The following SUGCT variants were observed in gnomAD, a reference collection of about 807,000 sequenced individuals.
The protein encoded by SUGCT is succinyl-CoA:glutarate CoA-transferase.
SUGCT carries 41 observed loss-of-function variants against 55.0 expected under a neutral mutation model. The observed-to-expected ratio is 0.74, with a 90% confidence interval of 0.58 to 0.97. SUGCT has a LOEUF of 0.97. Among genes scored for constraint, SUGCT ranks in the 50% least tolerant of loss-of-function variants. The pLI, the probability that SUGCT is intolerant of heterozygous loss-of-function variation, is 0.00. For synonymous variants in SUGCT, 187 were observed against 200.4 expected (o/e 0.93, Z 0.56); for missense variants, 568 against 547.8 (o/e 1.04, Z -0.37).
the SUGCT span, among the ~76,000 whole-genome samples, chr7:40,954,445 C>T: frequency 6.6e-6 from 1 of 152,186 alleles, no homozygotes; most frequent in Admixed American, 6.5e-5. Flanking sequence ...GCTCAGTGTG[C>T]TGCACCCACT....
At chr7:40,311,600 A>G (rs1795156924) in intron 8 of SUGCT, among the ~76,000 whole-genome samples, 1 of 151,842 alleles carries the variant, frequency 6.6e-6, no homozygotes, top group African/African-American at 2.4e-5. Context: ...CTCTATGCCA[A>G]CCCCTTTCCT....
chr7:40,403,479 A>AGG (rs1786192898), intron 9 of SUGCT, among the ~76,000 whole-genome samples: 1 of 152,174 alleles, frequency 6.6e-6, no homozygotes, highest in Admixed American at 6.5e-5. Context: ...CTAAAGGGGC[A>AGG]GGGGAGGAAC....
chr7:40,963,283 C>A, the SUGCT span, among the ~76,000 whole-genome samples: 1 of 151,946 alleles, frequency 6.6e-6, no homozygotes. Flanking sequence ...GCTCTTTGGC[C>A]CACTGAACAA....
At chr7:40,246,093 G>A (rs1315645078) in intron 7 of SUGCT, among the ~76,000 whole-genome samples, 1 of 152,034 alleles carries the variant, frequency 6.6e-6, no homozygotes, top group Non-Finnish European at 1.5e-5. Context: ...ACCTTGGATA[G>A]ACACTACTCA....
intron 8 of SUGCT, among the ~76,000 whole-genome samples, chr7:40,306,227 T>G (rs1794846785): frequency 1.3e-5 from 2 of 152,202 alleles, no homozygotes; most frequent in African/African-American, 2.4e-5. Context: ...GTTTTTATTC[T>G]CAATACTTTT....
chr7:40,711,605 A>G (rs1339371549), intron 12 of SUGCT, among the ~76,000 whole-genome samples: 1 of 152,014 alleles, frequency 6.6e-6, no homozygotes, highest in Non-Finnish European at 1.5e-5. Flanking sequence ...TGCCATACCC[A>G]TTTCTCTTTC....
chr7:40,800,149 A>T (rs1790738858), intron 13 of SUGCT, among the ~76,000 whole-genome samples: 1 of 152,068 alleles, frequency 6.6e-6, no homozygotes, highest in Non-Finnish European at 1.5e-5. Flanking sequence ...TTTTCCCTTT[A>T]CATAACGTTG....
At chr7:40,464,534 A>G (rs1789994611) in intron 11 of SUGCT, among the ~76,000 whole-genome samples, 1 of 152,204 alleles carries the variant, frequency 6.6e-6, no homozygotes, top group Non-Finnish European at 1.5e-5. Flanking sequence ...TGAAAATAAA[A>G]TCATGACAGC....
chr7:40,262,310 C>G (rs1305453475), intron 7 of SUGCT, among the ~76,000 whole-genome samples: 2 of 151,980 alleles, frequency 1.3e-5, no homozygotes, highest in East Asian at 3.9e-4. Flanking sequence ...AAGCATGTTT[C>G]TCTGTAGGTA....
the SUGCT span, among the ~76,000 whole-genome samples, chr7:40,951,080 A>G: frequency 2.0e-5 from 3 of 152,100 alleles, no homozygotes; most frequent in East Asian, 1.9e-4. Context: ...CTGTGAATCC[A>G]TCTGGTCCTG....
intron 6 of SUGCT, among the ~76,000 whole-genome samples, chr7:40,196,630 T>G (rs1057356068): frequency 1.3e-5 from 2 of 152,114 alleles, no homozygotes; most frequent in African/African-American, 4.8e-5. Context: ...GTGAACCACA[T>G]AGCTACTGGC....
chr7:40,449,235 G>A, intron 9 of SUGCT, 52 bp from the exon 10 acceptor site: 1 of 1,233,546 alleles, frequency 8.1e-7, no homozygotes, highest in Non-Finnish European at 1.2e-6. Context: ...TTAAACTTTT[G>A]TGGTCTTGTC....
the SUGCT span, among the ~76,000 whole-genome samples, chr7:40,945,972 T>A: frequency 6.6e-6 from 1 of 152,192 alleles, no homozygotes; most frequent in Non-Finnish European, 1.5e-5. Flanking sequence ...ATCTGTGAGA[T>A]ACCTTGGTTA....
At chr7:40,967,896 A>G in the SUGCT span, among the ~76,000 whole-genome samples, 33 of 152,108 alleles carry the variant, frequency 2.2e-4, no homozygotes, top group African/African-American at 7.7e-4. Context: ...AACCACAAGA[A>G]CCCACTCCTA....
At chr7:40,932,205 T>C in the SUGCT span, among the ~76,000 whole-genome samples, 102 of 152,296 alleles carry the variant, frequency 6.7e-4, 2 homozygotes, top group South Asian at 0.021. Context: ...CAGGAGCAGG[T>C]TGTTCAGTTT....
chr7:40,952,308 A>G, the SUGCT span, among the ~76,000 whole-genome samples: 1 of 151,446 alleles, frequency 6.6e-6, no homozygotes, highest in South Asian at 2.2e-4. Context: ...TTTGCTTGGT[A>G]GATCTTCCCC....
the SUGCT span, among the ~76,000 whole-genome samples, chr7:40,874,015 C>T: frequency 2.4e-5 from 3 of 125,752 alleles, no homozygotes; most frequent in African/African-American, 9.6e-5. Context: ...GTGAGCAGGC[C>T]GTGTAGACAG....
intron 13 of SUGCT, among the ~76,000 whole-genome samples, chr7:40,831,182 T>G (rs1339115364): frequency 6.6e-6 from 1 of 152,158 alleles, no homozygotes; most frequent in Non-Finnish European, 1.5e-5. Context: ...CATTTTAGAT[T>G]CCCGTAAAAA....
At chr7:40,718,122 A>C (rs1182797353) in intron 12 of SUGCT, among the ~76,000 whole-genome samples, 1 of 152,052 alleles carries the variant, frequency 6.6e-6, no homozygotes, top group Non-Finnish European at 1.5e-5. Context: ...ATTTGTATCA[A>C]ATCATATTTC....
Sources: allele counts gnomAD v4.1 joint callset (sites outside exome capture counted in the v4.1 genomes callset), GRCh38; gene constraint gnomAD v4.1.1; transcripts MANE v1.5; gene names NCBI Gene and HGNC (gene_info 2026-07-23, HGNC 2026-07-21).